CNOT6L: variants seen among roughly 807,000 people sequenced by gnomAD.
CNOT6L encodes CCR4-NOT transcription complex subunit 6-like.
A neutral mutation model predicts 64.0 loss-of-function variants in CNOT6L; 7 were observed. That is an observed-to-expected ratio of 0.11 (90% CI 0.06 to 0.21). The LOEUF (loss-of-function observed/expected upper bound fraction) is 0.21. Among genes scored for constraint, CNOT6L ranks in the 10% least tolerant of loss-of-function variants. The probability of loss-of-function intolerance (pLI) is 1.00; values close to 1 mark genes in which losing one functional copy is unlikely to be tolerated. For missense variants in CNOT6L, 245 were observed against 669.0 expected (o/e 0.37, Z 6.99); for synonymous variants, 193 against 243.4 (o/e 0.79, Z 1.93).
chr4:77,759,853 G>A (rs10007837), intron 4 of CNOT6L, among the ~76,000 whole-genome samples: 1 of 152,018 alleles, frequency 6.6e-6, no homozygotes, highest in South Asian at 2.1e-4. Context: ...ATATGCATTC[G>A]TTCCAAGTGC....
chr4:77,736,542 G>C (rs201162653), intron 8 of CNOT6L, among the ~76,000 whole-genome samples: 1 of 137,386 alleles, frequency 7.3e-6, no homozygotes, highest in Non-Finnish European at 1.6e-5. Flanking sequence ...CATCTACTTT[G>C]TTTCACAGAT....
chr4:77,715,215 C>G lies in CNOT6L; in HGVS notation c.*5216G>C, dbSNP rs1433913946. ...TAGAGCCTCCGAAAGATTCTGAAAG[C>G]TGAATGGACCATGCTACCACCATGC... is the stretch of plus-strand genomic sequence containing the variant. On this transcript the variant is annotated 3_prime_UTR_variant, in exon 12 of 12. Coordinates refer to ENST00000504123, the MANE Select transcript of CNOT6L (RefSeq NM_144571.3). 7 of 152,180 alleles carry G rather than the reference C, an allele frequency of 4.6e-5. No homozygotes were observed. In the East Asian group the frequency reaches 1.2e-3, roughly 25 times the overall value. 9.4% of individuals were successfully genotyped at this position (152,180 alleles called of 1,614,324 possible).
intron 11 of CNOT6L, among the ~76,000 whole-genome samples, chr4:77,725,274 A>G (rs1721719599): frequency 6.6e-6 from 1 of 152,204 alleles, no homozygotes. Flanking sequence ...AGGTTATTGG[A>G]AATATAAGGG....
chr4:77,738,753 C>CAAAAAAAAA (rs33932934), intron 8 of CNOT6L, among the ~76,000 whole-genome samples: 1 of 114,204 alleles, frequency 8.8e-6, no homozygotes, highest in Non-Finnish European at 1.7e-5. Context: ...AACTCCGTCT[C>CAAAAAAAAA]AAAAAAAAAA....
rs1179912256 is a variant in CNOT6L, at chr4:77,719,590, T to C, written c.*841A>G. 6.6e-6 allele frequency: 1 copy of C among 152,658 alleles called. No homozygotes were observed. Among genetic ancestry groups the C allele is most frequent in the Admixed American group, 6.6e-5 (1 of 15,266 alleles). 9.5% of individuals were successfully genotyped at this position (152,658 alleles called of 1,614,324 possible). A position where few individuals can be genotyped will look rare whatever the true frequency, so the allele number is the denominator to read the frequency against. On this transcript the variant is annotated 3_prime_UTR_variant, in exon 12 of 12. Transcript: ENST00000504123. ...TTTCCTGGCACAACCAGACAGAAGG[T>C]TGAATTGGAATAAGGAAAAATTCAT...
At chr4:77,785,470 G>A (rs1424104168) in intron 1 of CNOT6L, among the ~76,000 whole-genome samples, 2 of 151,194 alleles carry the variant, frequency 1.3e-5, no homozygotes, top group Admixed American at 1.3e-4. Flanking sequence ...AAATTTGAAG[G>A]AAAAGACATG....
rs1399103759 is a variant in CNOT6L, at chr4:77,768,470, AATAAATATATAT to A, written c.400+4599_400+4610del. ...ACAGAGTGAGACTCTGTCTAAAATA[AATAAATATATAT>A]ATATATATATATATATATATATATA... On this transcript the variant is annotated intron_variant, in intron 4 of 11. Coordinates refer to ENST00000504123, the MANE Select transcript of CNOT6L (RefSeq NM_144571.3). Among the ~76,000 whole-genome samples the A allele has an allele frequency of 1.1e-3, 153 of 134,400 alleles. 3 individuals are homozygous for A. The highest frequency in any genetic ancestry group is 3.3e-3 in the African/African-American group (112 of 33,908). 88.2% of individuals were successfully genotyped at this position (134,400 alleles called of 152,430 possible). A position where few individuals can be genotyped will look rare whatever the true frequency, so the allele number is the denominator to read the frequency against.
intron 1 of CNOT6L, among the ~76,000 whole-genome samples, chr4:77,796,155 A>G (rs1249763817): frequency 6.6e-6 from 1 of 150,478 alleles, no homozygotes; most frequent in Non-Finnish European, 1.5e-5. Flanking sequence ...TGTTCCCCTC[A>G]TGACATTTTT....
chr4:77,812,846 A>G (rs1733112251), intron 1 of CNOT6L, among the ~76,000 whole-genome samples: 1 of 152,154 alleles, frequency 6.6e-6, no homozygotes, highest in Non-Finnish European at 1.5e-5. Context: ...ATGGAAACAC[A>G]AGAGATTCAA....
At chr4:77,723,332 G>A (rs540806958) in intron 11 of CNOT6L, among the ~76,000 whole-genome samples, 17 of 152,232 alleles carry the variant, frequency 1.1e-4, no homozygotes, top group African/African-American at 3.6e-4. Flanking sequence ...CTTGTTCAAG[G>A]ACGAAGAAAG....
chr4:77,766,517 A>G (rs1726837632), intron 4 of CNOT6L, among the ~76,000 whole-genome samples: 1 of 150,642 alleles, frequency 6.6e-6, no homozygotes. Context: ...TTAAAATAAG[A>G]AAATTAAATA....
intron 1 of CNOT6L, among the ~76,000 whole-genome samples, chr4:77,811,231 T>C (rs1043392467): frequency 2.0e-5 from 3 of 152,182 alleles, no homozygotes; most frequent in African/African-American, 7.2e-5. Context: ...CAAATGTGCA[T>C]GTGGACTGAT....
At position 77,787,867 on chromosome 4, in the gene CNOT6L, A is replaced by G. The variant is rs1729631839; in HGVS notation, c.6-11475T>C. Among the ~76,000 whole-genome samples, 3 of 152,240 alleles carry G rather than the reference A, an allele frequency of 2.0e-5. No individual in the cohort carries two copies. The East Asian group carries it at 5.8e-4, about 29-fold the overall frequency. On this transcript the variant is annotated intron_variant, in intron 1 of 11. Transcript: ENST00000504123. ...ATTCTAGCATTCAGAAAACTGTAAT[A>G]TAAAGAGGTTTAGAAGCTTGCTGGC...
chr4:77,737,146 AG>A (rs1723042461), intron 8 of CNOT6L, among the ~76,000 whole-genome samples: 1 of 152,210 alleles, frequency 6.6e-6, no homozygotes, highest in South Asian at 2.1e-4. Context: ...ACAAGTAAAA[AG>A]GGGCAATGTA....
rs570967867 is a variant in CNOT6L, at chr4:77,819,160, G to A, written c.5+144C>T. 2.4e-3 allele frequency: 3,610 copies of A among 1,528,538 alleles called. 3 individuals carry two copies. Among genetic ancestry groups the A allele is most frequent in the Non-Finnish European group, 2.9e-3 (3,294 of 1,121,522 alleles). 94.7% of individuals were successfully genotyped at this position (1,528,538 alleles called of 1,614,324 possible). A position where few individuals can be genotyped will look rare whatever the true frequency, so the allele number is the denominator to read the frequency against. ...ACCCGACACACACCCACTCGCCGTGGGTCCTCGGGCCGCCTCCCCGCCCGC... is the reference window on the plus strand; with the variant it reads ...ACCCGACACACACCCACTCGCCGTGAGTCCTCGGGCCGCCTCCCCGCCCGC... On this transcript the variant is annotated intron_variant, in intron 1 of 11. Transcript: ENST00000504123.
chr4:77,819,613 GGGCGGCGGC>G (rs889653462), upstream of CNOT6L: 51 of 163,408 alleles, frequency 3.1e-4, no homozygotes, highest in Non-Finnish European at 5.6e-4. Context: ...GCCGGGGTCC[GGGCGGCGGC>G]GGCGGCGGCG....
In CNOT6L at chr4:77,718,934, A is replaced by C. The variant is rs1453089924; in HGVS notation, c.*1497T>G. On this transcript the variant is annotated 3_prime_UTR_variant, in exon 12 of 12. Coordinates refer to ENST00000504123, the MANE Select transcript of CNOT6L (RefSeq NM_144571.3). ...GCTATTGTCTTTTAAAATTTCATTC[A>C]CATAATGGAAAATTTCTTGTTTATT... 9.8e-5 allele frequency: 15 copies of C among 152,604 alleles called. No homozygotes were observed. The highest frequency in any genetic ancestry group is 2.0e-4 in the Admixed American group (3 of 15,266). The allele number at this position is 152,604 out of a possible 1,614,324, so 9.5% of individuals were successfully genotyped here.
chr4:77,812,753 T>C (rs1348700404), intron 1 of CNOT6L, among the ~76,000 whole-genome samples: 3 of 152,124 alleles, frequency 2.0e-5, no homozygotes, highest in Non-Finnish European at 1.5e-5. Flanking sequence ...GGTCCCAAAA[T>C]TGATGTACAG....
At chr4:77,769,456 A>G (rs995351889) in intron 4 of CNOT6L, among the ~76,000 whole-genome samples, 1 of 152,140 alleles carries the variant, frequency 6.6e-6, no homozygotes, top group Non-Finnish European at 1.5e-5. Flanking sequence ...TTGTACTATT[A>G]TTATGCATAA....
Sources: allele counts gnomAD v4.1 joint callset (sites outside exome capture counted in the v4.1 genomes callset), GRCh38; gene constraint gnomAD v4.1.1; transcripts MANE v1.5; gene names NCBI Gene and HGNC (gene_info 2026-07-23, HGNC 2026-07-21).